Variants in EFNA5 observed in about 807,000 individuals in gnomAD.
EFNA5 encodes the protein ephrin-A5.
EFNA5 carries 5 observed loss-of-function variants against 22.9 expected under a neutral mutation model. The ratio of observed to expected loss-of-function variants is 0.22; its 90% confidence interval spans 0.11 to 0.46. The LOEUF is 0.46. Among genes scored for constraint, EFNA5 ranks in the 20% least tolerant of loss-of-function variants. EFNA5 has a pLI of 0.99. For synonymous variants in EFNA5, 113 were observed against 112.2 expected (o/e 1.01, Z -0.04); for missense variants, 237 against 293.3 (o/e 0.81, Z 1.40).
chr5:107,414,520 A>C (rs1045206851), intron 2 of EFNA5, among the ~76,000 whole-genome samples: 2 of 152,190 alleles, frequency 1.3e-5, no homozygotes, highest in African/African-American at 4.8e-5. Context: ...CTCAGTAAGC[A>C]CTGATGAACT....
chr5:107,659,986 T>G (rs969296302), intron 1 of EFNA5, among the ~76,000 whole-genome samples: 4 of 151,896 alleles, frequency 2.6e-5, no homozygotes, highest in African/African-American at 9.7e-5. Flanking sequence ...GTACATATTC[T>G]TATGGAATAT....
chr5:107,486,735 C>A (rs1580486270), intron 1 of EFNA5, among the ~76,000 whole-genome samples: 1 of 152,170 alleles, frequency 6.6e-6, no homozygotes, highest in East Asian at 1.9e-4. Flanking sequence ...CATTGAGTCA[C>A]ACACAGATAA....
chr5:107,519,307 T>C (rs1199193121), intron 1 of EFNA5, among the ~76,000 whole-genome samples: 2 of 152,252 alleles, frequency 1.3e-5, no homozygotes, highest in East Asian at 3.8e-4. Context: ...CAGGAGTACA[T>C]GTGCTGAAAT....
intron 1 of EFNA5, among the ~76,000 whole-genome samples, chr5:107,622,927 AGGAGAAT>A (rs1329048865): frequency 6.9e-6 from 1 of 144,548 alleles, no homozygotes; most frequent in Non-Finnish European, 1.5e-5. Context: ...AGGCTGAGGC[AGGAGAAT>A]GGCGTGAACC....
chr5:107,582,137 T>C (rs1326029561), intron 1 of EFNA5, among the ~76,000 whole-genome samples: 1 of 152,152 alleles, frequency 6.6e-6, no homozygotes, highest in Non-Finnish European at 1.5e-5. Context: ...CAAAAATAAA[T>C]TGTTAGTAAC....
chr5:107,507,542 A>G lies in EFNA5; in HGVS notation c.126-80033T>C, dbSNP rs530794208. Among the ~76,000 whole-genome samples the G allele has an allele frequency of 2.0e-5, 3 of 152,298 alleles. No individual in the cohort carries two copies. In the South Asian group the frequency reaches 6.2e-4, roughly 32 times the overall value. On this transcript the variant is annotated intron_variant, in intron 1 of 4. Coordinates refer to ENST00000333274, the MANE Select transcript of EFNA5 (RefSeq NM_001962.3). ...GGAATGGATGAAGGGTTTGGATATA[A>G]ATAACGGAAAATGGCAAGGCGTGGT...
At chr5:107,429,521 C>T (rs566091040) in intron 1 of EFNA5, among the ~76,000 whole-genome samples, 2 of 152,260 alleles carry the variant, frequency 1.3e-5, no homozygotes, top group Admixed American at 1.3e-4. Flanking sequence ...AGATACTCTT[C>T]CGAGAGACAA....
At chr5:107,571,616 C>G (rs1005437150) in intron 1 of EFNA5, among the ~76,000 whole-genome samples, 1 of 151,982 alleles carries the variant, frequency 6.6e-6, no homozygotes, top group African/African-American at 2.4e-5. Context: ...CTGAGCCACC[C>G]TGGGAACCAG....
intron 1 of EFNA5, among the ~76,000 whole-genome samples, chr5:107,597,624 GAA>G (rs1044783844): frequency 5.9e-5 from 9 of 151,912 alleles, no homozygotes; most frequent in Non-Finnish European, 1.2e-4. Context: ...ATATCTCCCA[GAA>G]AAAAAGTGTA....
intron 1 of EFNA5, among the ~76,000 whole-genome samples, chr5:107,492,209 TATTC>T (rs1746824366): frequency 6.6e-6 from 1 of 152,142 alleles, no homozygotes; most frequent in African/African-American, 2.4e-5. Context: ...TAAAAAAAAT[TATTC>T]AGTCTTATAA....
At chr5:107,394,474 A>G (rs1269084397) in intron 2 of EFNA5, among the ~76,000 whole-genome samples, 1 of 152,218 alleles carries the variant, frequency 6.6e-6, no homozygotes, top group East Asian at 1.9e-4. Context: ...AACAAGAGGG[A>G]TAGAAAAACA....
At chr5:107,593,716 G>A (rs1457870354) in intron 1 of EFNA5, among the ~76,000 whole-genome samples, 2 of 152,216 alleles carry the variant, frequency 1.3e-5, no homozygotes, top group East Asian at 1.9e-4. Context: ...AGTGAAAAAG[G>A]AAATAGAACC....
At chr5:107,526,217 CA>C (rs1396085596) in intron 1 of EFNA5, among the ~76,000 whole-genome samples, 1 of 152,182 alleles carries the variant, frequency 6.6e-6, no homozygotes, top group Non-Finnish European at 1.5e-5. Context: ...ATTATAGATT[CA>C]AGATTCTGGA....
At chr5:107,497,496 T>A (rs1404358927) in intron 1 of EFNA5, among the ~76,000 whole-genome samples, 1 of 152,198 alleles carries the variant, frequency 6.6e-6, no homozygotes, top group Non-Finnish European at 1.5e-5. Context: ...CTTTGAAATG[T>A]GGTGAGATCT....
chr5:107,447,397 G>T (rs139529979), intron 1 of EFNA5, among the ~76,000 whole-genome samples: 4 of 152,254 alleles, frequency 2.6e-5, no homozygotes, highest in East Asian at 1.9e-4. Flanking sequence ...TTTATGTCCT[G>T]GCTCCCTTGT....
intron 1 of EFNA5, among the ~76,000 whole-genome samples, chr5:107,591,976 AATATATAATATATAAT>A (rs1749363239): frequency 3.8e-4 from 8 of 20,882 alleles, no homozygotes; most frequent in South Asian, 7.3e-4. Context: ...TAATATATAT[AATATATAATATATAAT>A]ATATATAATA....
Position 107,427,482 on chromosome 5 carries a change from A to T in EFNA5, c.153T>A (p.Asp51Glu), listed in dbSNP as rs1561381533. The T allele has an allele frequency of 6.2e-7, 1 of 1,613,102 alleles. No homozygotes were observed. ...CATCCAGGTAGTCATTGATACAGAC[A>T]TCAATATGGTAGTCACCCCTCTGGA... ...PRFQRGDYHI[D>E]VCINDYLDVF... Residue 51 changes from aspartate to glutamate, a missense_variant, in exon 2 of 5, where the codon GAT (aspartate) becomes GAA (glutamate). Asp to Glu is a conservative substitution (Grantham distance 45). Coordinates refer to ENST00000333274, the MANE Select transcript of EFNA5 (RefSeq NM_001962.3).
intron 1 of EFNA5, among the ~76,000 whole-genome samples, chr5:107,520,984 T>G (rs377045575): frequency 1.6e-3 from 243 of 152,338 alleles, no homozygotes; most frequent in African/African-American, 5.4e-3. Context: ...TCAATTTAAT[T>G]ATAAGATAAA....
At chr5:107,387,884 G>T in intron 2 of EFNA5, 113 bp from the exon 3 acceptor site, 1 of 743,494 alleles carries the variant, frequency 1.3e-6, no homozygotes, top group Non-Finnish European at 2.2e-6. Context: ...TTGAACAACA[G>T]GAACTTTCTC....
Sources: allele counts gnomAD v4.1 joint callset (sites outside exome capture counted in the v4.1 genomes callset), GRCh38; gene constraint gnomAD v4.1.1; transcripts MANE v1.5; gene names NCBI Gene and HGNC (gene_info 2026-07-23, HGNC 2026-07-21).